Variants in KCNQ5 observed in about 807,000 individuals in gnomAD.
The protein encoded by KCNQ5 is potassium voltage-gated channel subfamily Q member 5, also known as potassium voltage-gated channel subfamily KQT member 5.
In KCNQ5, 30 loss-of-function variants were observed where a neutral mutation model predicts 98.2. The ratio of observed to expected loss-of-function variants is 0.31; its 90% CI spans 0.23 to 0.41. The LOEUF (loss-of-function observed/expected upper bound fraction) is 0.41, where lower values mean the gene tolerates loss of function less well. Among genes scored for constraint, KCNQ5 ranks in the 10% least tolerant of loss-of-function variants. The pLI is 1.00. For missense variants in KCNQ5, 835 were observed against 1,182.5 expected, an observed-to-expected ratio of 0.71 and a Z score of 4.31; for synonymous variants, 458 against 449.4, an observed-to-expected ratio of 1.02 and a Z score of -0.24.
intron 1 of KCNQ5, among the ~76,000 whole-genome samples, chr6:72,628,653 A>C (rs972017895): frequency 1.3e-5 from 2 of 152,144 alleles, no homozygotes; most frequent in Non-Finnish European, 2.9e-5. Flanking sequence ...TCCGTTGCCC[A>C]GGCTGGAGTG....
At chr6:73,098,914 A>G (rs1398189462) in intron 5 of KCNQ5, among the ~76,000 whole-genome samples, 1 of 152,214 alleles carries the variant, frequency 6.6e-6, no homozygotes, top group Non-Finnish European at 1.5e-5. Context: ...AAAAAGATGA[A>G]CTTATCAAAA....
intron 3 of KCNQ5, among the ~76,000 whole-genome samples, chr6:73,076,100 ACC>A (rs1004985607): frequency 6.6e-5 from 10 of 151,054 alleles, no homozygotes; most frequent in Non-Finnish European, 1.3e-4. Context: ...CCAACAACTG[ACC>A]CCCCCTCTCT....
At chr6:73,030,712 A>T (rs1457924809) in intron 2 of KCNQ5, among the ~76,000 whole-genome samples, 2 of 152,210 alleles carry the variant, frequency 1.3e-5, no homozygotes, top group African/African-American at 4.8e-5. Flanking sequence ...TCCCAGTGGC[A>T]CATGGCAGTC....
chr6:72,674,860 C>T (rs942315980), intron 1 of KCNQ5, among the ~76,000 whole-genome samples: 1 of 152,148 alleles, frequency 6.6e-6, no homozygotes, highest in African/African-American at 2.4e-5. Context: ...TAAGGCTTTG[C>T]TATCAACTAA....
intron 10 of KCNQ5, among the ~76,000 whole-genome samples, chr6:73,159,537 T>C (rs1777526722): frequency 6.6e-6 from 1 of 152,236 alleles, no homozygotes; most frequent in East Asian, 1.9e-4. Context: ...AAGTATTTTA[T>C]TGTCATAAAA....
intron 1 of KCNQ5, among the ~76,000 whole-genome samples, chr6:72,773,952 A>C (rs1354550881): frequency 3.9e-5 from 6 of 152,184 alleles, no homozygotes; most frequent in African/African-American, 1.4e-4. Flanking sequence ...TTCCAGAAGC[A>C]GACCCATGCT....
At chr6:72,769,949 C>T (rs1772772926) in intron 1 of KCNQ5, among the ~76,000 whole-genome samples, 1 of 152,044 alleles carries the variant, frequency 6.6e-6, no homozygotes, top group Admixed American at 6.6e-5. Context: ...GGTGTTTTAC[C>T]TTCTCTCACA....
intron 3 of KCNQ5, among the ~76,000 whole-genome samples, chr6:73,067,570 G>T (rs1773109420): frequency 6.6e-6 from 1 of 152,090 alleles, no homozygotes; most frequent in South Asian, 2.1e-4. Context: ...AGAAATACCT[G>T]GGCTGTTGCA....
rs192483637 is a variant in KCNQ5, at chr6:72,961,856, A to G, written c.399-42052A>G. Among the ~76,000 whole-genome samples, 341 of 151,878 alleles carry G rather than the reference A, an allele frequency of 2.2e-3. 1 individual carries two copies. The highest frequency in any genetic ancestry group is 2.5e-3 in the Non-Finnish European group (171 of 67,940). On this transcript the variant is annotated intron_variant, in intron 1 of 13. Transcript: ENST00000370398. ...AAGTGAAGTAACTCAGGAATGGAAA[A>G]CCTAAAACCACATGTTCTCACTTGT... is the stretch of plus-strand genomic sequence containing the variant.
At chr6:72,856,299 T>C (rs1313297176) in intron 1 of KCNQ5, among the ~76,000 whole-genome samples, 2 of 152,180 alleles carry the variant, frequency 1.3e-5, no homozygotes, top group Admixed American at 1.3e-4. Context: ...CTTAAAAGGT[T>C]CAAAGATTCC....
intron 1 of KCNQ5, among the ~76,000 whole-genome samples, chr6:72,656,406 G>A (rs1301783495): frequency 1.3e-5 from 2 of 152,112 alleles, no homozygotes; most frequent in African/African-American, 4.8e-5. Context: ...GGAGCAATTG[G>A]TATATTTGAA....
chr6:73,101,257 G>T (rs781518974), intron 5 of KCNQ5, among the ~76,000 whole-genome samples: 1 of 152,070 alleles, frequency 6.6e-6, no homozygotes. Flanking sequence ...CTAGCAAACC[G>T]AATTCAACAA....
chr6:72,825,477 G>A lies in KCNQ5; in HGVS notation c.399-178431G>A, dbSNP rs528151953. On this transcript the variant is annotated intron_variant, in intron 1 of 13. Coordinates refer to ENST00000370398, the MANE Select transcript of KCNQ5 (RefSeq NM_019842.4). ...AAGGCATAAGAAAATGCCAGAATGA[G>A]TCACTGAGTGCAGACTGGAACTGGG... Among the ~76,000 whole-genome samples the A allele has an allele frequency of 5.8e-4, 89 of 152,328 alleles. No individual in the cohort carries two copies. In the South Asian group the frequency reaches 0.018, roughly 31 times the overall value.
chr6:72,995,614 G>C (rs1769260099), intron 1 of KCNQ5, among the ~76,000 whole-genome samples: 1 of 152,096 alleles, frequency 6.6e-6, no homozygotes, highest in South Asian at 2.1e-4. Context: ...GGGAGAAGAG[G>C]TACCTGATAG....
intron 9 of KCNQ5, among the ~76,000 whole-genome samples, chr6:73,132,364 TAATG>T (rs1776272811): frequency 6.6e-6 from 1 of 152,002 alleles, no homozygotes; most frequent in Middle Eastern, 3.2e-3. Context: ...TATCACCTTC[TAATG>T]AATGGCATAA....
At chr6:72,873,727 A>G (rs890407339) in intron 1 of KCNQ5, among the ~76,000 whole-genome samples, 1 of 152,158 alleles carries the variant, frequency 6.6e-6, no homozygotes, top group Non-Finnish European at 1.5e-5. Context: ...TACATTAAAA[A>G]TAATCTAGAA....
intron 10 of KCNQ5, among the ~76,000 whole-genome samples, chr6:73,150,832 A>ATATGTGTGTG (rs1554215774): frequency 1.4e-5 from 2 of 148,112 alleles, no homozygotes; most frequent in African/African-American, 2.5e-5. Flanking sequence ...ATATATATAT[A>ATATGTGTGTG]TGTGTGTGTG....
At chr6:72,973,909 A>G (rs918820192) in intron 1 of KCNQ5, among the ~76,000 whole-genome samples, 9 of 152,226 alleles carry the variant, frequency 5.9e-5, no homozygotes, top group Non-Finnish European at 4.4e-5. Context: ...CAGTGTACAT[A>G]AACTTTTCCC....
chr6:72,784,862 A>T (rs2154477991), intron 1 of KCNQ5, among the ~76,000 whole-genome samples: 1 of 152,354 alleles, frequency 6.6e-6, no homozygotes, highest in Non-Finnish European at 1.5e-5. Flanking sequence ...CCTCCGTGGT[A>T]GAGATTACCC....
Sources: allele counts gnomAD v4.1 joint callset (sites outside exome capture counted in the v4.1 genomes callset), GRCh38; gene constraint gnomAD v4.1.1; transcripts MANE v1.5; gene names NCBI Gene and HGNC (gene_info 2026-07-23, HGNC 2026-07-21).